The following AXDND1 variants were observed in gnomAD, a reference collection of about 807,000 sequenced individuals.
The protein encoded by AXDND1 is axonemal dynein light chain domain containing 1.
AXDND1 carries 110 observed loss-of-function variants against 137.5 expected under a neutral mutation model. The ratio of observed to expected loss-of-function variants is 0.80; its 90% CI spans 0.69 to 0.94. AXDND1 has a LOEUF of 0.94. AXDND1 is among the 40% of genes least tolerant of loss of function. AXDND1 has a pLI of 0.00. For missense variants in AXDND1, 1,191 were observed against 1,169.8 expected (o/e 1.02, Z -0.26); for synonymous variants, 414 against 399.7 (o/e 1.04, Z -0.43).
chr1:179,448,235 A>G, intron 16 of AXDND1: 2 of 795,078 alleles, frequency 2.5e-6, no homozygotes, highest in Non-Finnish European at 4.6e-6. Flanking sequence ...CATAAGGTTA[A>G]TTATATTCTG....
intron 11 of AXDND1, among the ~76,000 whole-genome samples, chr1:179,407,425 C>T (rs1407545731): frequency 1.3e-5 from 2 of 152,042 alleles, no homozygotes; most frequent in African/African-American, 4.8e-5. Context: ...CGAGGTTTCA[C>T]CATGTTGGCC....
Position 179,499,923 on chromosome 1 carries a change from A to G in AXDND1, c.2388+6972A>G, listed in dbSNP as rs769719092. Among the ~76,000 whole-genome samples, 198 of 152,288 alleles carry G rather than the reference A, an allele frequency of 1.3e-3. 1 individual carries two copies. The highest frequency in any genetic ancestry group is 2.3e-3 in the Non-Finnish European group (157 of 68,004). On this transcript the variant is annotated intron_variant, in intron 20 of 25. Transcript: ENST00000367618. Reference sequence around the variant, plus strand: ...AAGTAGTCCTATAACCATTAAAGGAATTCGTCAAAAATCTTCCCCCAAAAG... The same window carrying G: ...AAGTAGTCCTATAACCATTAAAGGAGTTCGTCAAAAATCTTCCCCCAAAAG...
chr1:179,525,051 A>G (rs577791766), intron 21 of AXDND1, among the ~76,000 whole-genome samples: 1 of 152,280 alleles, frequency 6.6e-6, no homozygotes, highest in South Asian at 2.1e-4. Context: ...AAACTCAAAC[A>G]TTATCTCCTT....
At chr1:179,410,833 A>T (rs1326816753) in intron 11 of AXDND1, among the ~76,000 whole-genome samples, 1 of 152,196 alleles carries the variant, frequency 6.6e-6, no homozygotes, top group African/African-American at 2.4e-5. Context: ...TTATTATACC[A>T]TTGGAATATC....
intron 17 of AXDND1, among the ~76,000 whole-genome samples, chr1:179,481,127 T>TC (rs1400826734): frequency 2.0e-5 from 3 of 152,088 alleles, no homozygotes; most frequent in African/African-American, 7.2e-5. Flanking sequence ...ATGCTGTCCC[T>TC]CCCCACTTTC....
intron 25 of AXDND1, chr1:179,545,010 G>C (rs1336175112): frequency 6.6e-6 from 1 of 152,242 alleles, no homozygotes; most frequent in Non-Finnish European, 1.5e-5. Flanking sequence ...GATTCACCCA[G>C]AATCTCTATT....
At chr1:179,456,903 C>T (rs943332715) in intron 16 of AXDND1, 2 of 1,080,296 alleles carry the variant, frequency 1.9e-6, no homozygotes, top group East Asian at 4.7e-5. Context: ...GGCAAAGCCT[C>T]TTTTCTTGCC....
At chr1:179,480,137 T>G (rs957787769) in intron 17 of AXDND1, among the ~76,000 whole-genome samples, 5 of 152,186 alleles carry the variant, frequency 3.3e-5, no homozygotes, top group African/African-American at 1.2e-4. Context: ...TTGGGTATAT[T>G]TACAGTAGCT....
intron 20 of AXDND1, among the ~76,000 whole-genome samples, chr1:179,494,891 C>T (rs1040569724): frequency 8.5e-5 from 13 of 152,062 alleles, no homozygotes; most frequent in African/African-American, 2.9e-4. Context: ...AAATATGGTG[C>T]TGGGGTTGGA....
At position 179,488,467 on chromosome 1, in the gene AXDND1, A is replaced by G. The variant is rs1317170692; in HGVS notation, c.2092-3071A>G. Among the ~76,000 whole-genome samples the G allele has an allele frequency of 1.4e-5, 2 of 147,832 alleles. 1 individual carries two copies. The highest frequency in any genetic ancestry group is 5.2e-5 in the African/African-American group (2 of 38,720). On this transcript the variant is annotated intron_variant, in intron 18 of 25. Coordinates refer to ENST00000367618, the MANE Select transcript of AXDND1 (RefSeq NM_144696.6). ...TTTTTATAGAGATGGGGTTTCACCA[A>G]ATTGCCCAGGCTGGTCTTGAACTCT...
At chr1:179,507,420 G>A (rs1031751737) in intron 20 of AXDND1, among the ~76,000 whole-genome samples, 5 of 152,030 alleles carry the variant, frequency 3.3e-5, no homozygotes, top group Admixed American at 2.6e-4. Flanking sequence ...GTTTCATAGC[G>A]TGCAAATTCA....
At chr1:179,489,953 G>T (rs943267740) in intron 18 of AXDND1, among the ~76,000 whole-genome samples, 1 of 151,910 alleles carries the variant, frequency 6.6e-6, no homozygotes, top group Non-Finnish European at 1.5e-5. Flanking sequence ...ACTATGTTAG[G>T]CAGGATGGTC....
chr1:179,491,996 CATAA>C (rs1372311076), intron 19 of AXDND1, among the ~76,000 whole-genome samples: 1 of 152,160 alleles, frequency 6.6e-6, no homozygotes, highest in East Asian at 1.9e-4. Flanking sequence ...CACTTTCTTG[CATAA>C]ATAAGACACA....
chr1:179,382,463 C>T (rs1218403273), intron 6 of AXDND1, among the ~76,000 whole-genome samples: 2 of 152,160 alleles, frequency 1.3e-5, no homozygotes, highest in African/African-American at 2.4e-5. Flanking sequence ...GTTCTTTGGC[C>T]ATGTCCCGAT....
intron 16 of AXDND1, among the ~76,000 whole-genome samples, chr1:179,462,338 T>A (rs1662453379): frequency 6.6e-6 from 1 of 152,232 alleles, no homozygotes; most frequent in Non-Finnish European, 1.5e-5. Context: ...GTTTATATGC[T>A]GGATTACATT....
At chr1:179,422,895 C>T (rs1054247341) in intron 12 of AXDND1, among the ~76,000 whole-genome samples, 3 of 152,132 alleles carry the variant, frequency 2.0e-5, no homozygotes, top group African/African-American at 7.2e-5. Flanking sequence ...TCCCAAGTAG[C>T]TGGGATTACA....
intron 11 of AXDND1, among the ~76,000 whole-genome samples, chr1:179,404,030 A>G (rs1469391358): frequency 6.6e-6 from 1 of 152,182 alleles, no homozygotes; most frequent in Non-Finnish European, 1.5e-5. Context: ...TCTCTTGACT[A>G]TGAATGTGCC....
intron 9 of AXDND1, among the ~76,000 whole-genome samples, chr1:179,390,229 G>T (rs1649935425): frequency 6.6e-6 from 1 of 152,114 alleles, no homozygotes; most frequent in African/African-American, 2.4e-5. Context: ...GGCTAGGCTG[G>T]TCTTGAACTC....
At chr1:179,465,266 A>T (rs1662960928) in intron 16 of AXDND1, among the ~76,000 whole-genome samples, 1 of 151,888 alleles carries the variant, frequency 6.6e-6, no homozygotes, top group Non-Finnish European at 1.5e-5. Flanking sequence ...TCTACCTTTG[A>T]TCTTTGTTGA....
Sources: gnomAD v4.1 joint callset for allele counts (sites outside exome capture counted in the v4.1 genomes callset) on GRCh38, gnomAD v4.1.1 for gene constraint, MANE v1.5 for transcripts, NCBI Gene and HGNC (gene_info 2026-07-23, HGNC 2026-07-21) for gene names.